The following MYO15B variants were observed in gnomAD, a reference collection of about 807,000 sequenced individuals.
MYO15B encodes myosin XVB.
MYO15B carries 207 observed loss-of-function variants against 119.3 expected under a neutral mutation model. The ratio of observed to expected loss-of-function variants is 1.73; its 90% confidence interval spans 1.55 to 1.95. The LOEUF is 1.95. Ranked by LOEUF, MYO15B falls within the 30% of genes most tolerant of loss-of-function variation. The pLI, the probability that MYO15B is intolerant of heterozygous loss-of-function variation, is 0.00. For missense variants in MYO15B, 2,264 were observed against 1,203.1 expected (o/e 1.88, Z -13.04); for synonymous variants, 966 against 498.9 (o/e 1.94, Z -12.48).
chr17:75,605,001 G>A lies in MYO15B; in HGVS notation c.4017-503G>A, dbSNP rs529948536. 5.9e-5 allele frequency among the ~76,000 whole-genome samples: 9 copies of A among 152,188 alleles called. No homozygotes were observed. In the East Asian group the frequency reaches 1.7e-3, roughly 29 times the overall value. ...AAAAATACAAAATCAGCTGGGCGTG[G>A]TGTTGCATGCCAGTAATCCCAGCTA... On this transcript the variant is annotated intron_variant, in intron 19 of 63. Transcript: ENST00000645453.
At chr17:75,594,969 T>C in exon 12 of MYO15B, 1 of 703,006 alleles carries the variant, frequency 1.4e-6, no homozygotes. Context: ...CCTACGGCTT[T>C]GAGGTCACCC....
intron 19 of MYO15B, among the ~76,000 whole-genome samples, chr17:75,604,691 T>C (rs1030365106): frequency 6.6e-6 from 1 of 151,322 alleles, no homozygotes; most frequent in Non-Finnish European, 1.5e-5. Context: ...TCACCTGTTC[T>C]CCCCCTGAGC....
chr17:75,595,500 A>G (rs2056799003), intron 12 of MYO15B, among the ~76,000 whole-genome samples: 1 of 152,152 alleles, frequency 6.6e-6, no homozygotes, highest in Non-Finnish European at 1.5e-5. Context: ...GGGCAAGTGG[A>G]TGAACCTTTC....
rs1019648626 is a variant in MYO15B, at chr17:75,621,232, A to G, written c.7871+56A>G. On this transcript the variant is annotated intron_variant, in intron 50 of 63. Transcript: ENST00000645453. ...TCTGTCCTCAGTCTTCCTGAGAGAG[A>G]GCACCCTGCTCAGAGCCACTGGGCT... is the stretch of plus-strand genomic sequence containing the variant. 4.5e-6 allele frequency: 3 copies of G among 661,290 alleles called. No individual in the cohort carries two copies. In the Admixed American group the frequency reaches 6.3e-5, roughly 14 times the overall value. The allele number at this position is 661,290 out of a possible 1,614,324, so 41.0% of individuals were successfully genotyped here.
At chr17:75,611,552 T>C in intron 23 of MYO15B, 49 bp from the exon 24 acceptor site, 1 of 700,370 alleles carries the variant, frequency 1.4e-6, no homozygotes, top group Non-Finnish European at 2.6e-6. Flanking sequence ...GGGACACTGG[T>C]CCCTAGGCCC....
chr17:75,596,794 C>CT lies in MYO15B; in HGVS notation c.3421dup (p.Trp1141LeufsTer51), dbSNP rs1449842401. The CT allele has an allele frequency of 2.8e-6, 2 of 701,762 alleles. No homozygotes were observed. The highest frequency in any genetic ancestry group is 1.5e-5 in the South Asian group (1 of 67,544). 43.5% of individuals were successfully genotyped at this position (701,762 alleles called of 1,614,324 possible). A position where few individuals can be genotyped will look rare whatever the true frequency, so the allele number is the denominator to read the frequency against. ...AGGAGTGTCGGCGGGAGTTGCTGTC[C>CT]TGGGTGCCTGTCCCTCAGCCTCCGA... On this transcript the variant is annotated frameshift_variant, in exon 14 of 64. Transcript: ENST00000645453. LOFTEE classifies it high-confidence loss of function.
rs116813371 is a variant in MYO15B at position 75,592,531 on chromosome 17, A to T, written c.2819A>T (p.Tyr940Phe). Reference sequence around the variant, plus strand: ...CTGCAGGGACCGGAGACTTACTACTACCTCAACCAGGTCGGGGGAGCCCTT... The same window carrying T: ...CTGCAGGGACCGGAGACTTACTACTTCCTCAACCAGGTCGGGGGAGCCCTT... Residue 940 changes from tyrosine to phenylalanine, a missense_variant, in exon 8 of 64, where the codon TAC becomes TTC. Tyr to Phe is a conservative substitution (Grantham distance 22). Coordinates refer to ENST00000645453, the Ensembl canonical transcript of MYO15B. 741 of 607,474 alleles carry T rather than the reference A, an allele frequency of 1.2e-3. 7 individuals carry two copies. The highest frequency in any genetic ancestry group is 0.012 in the African/African-American group (650 of 54,222). The allele number at this position is 607,474 out of a possible 1,614,324, so 37.6% of individuals were successfully genotyped here.
chr17:75,601,613 C>A (rs961521029), intron 15 of MYO15B, 50 bp downstream of exon 15: 1 of 687,872 alleles, frequency 1.5e-6, no homozygotes, highest in Non-Finnish European at 2.7e-6. Flanking sequence ...GGCAGTGTCC[C>A]CTCCCAAGCT....
At chr17:75,600,040 T>G (rs906570407) in intron 14 of MYO15B, among the ~76,000 whole-genome samples, 2 of 149,608 alleles carry the variant, frequency 1.3e-5, no homozygotes, top group African/African-American at 4.9e-5. Context: ...TTTTTTTTTT[T>G]TGAGACAGAG....
intron 15 of MYO15B, among the ~76,000 whole-genome samples, chr17:75,602,008 C>G (rs887060847): frequency 6.6e-6 from 1 of 152,020 alleles, no homozygotes; most frequent in Non-Finnish European, 1.5e-5. Flanking sequence ...CTATGCCTAC[C>G]AAGAAGCTGC....
rs2056246973 is a variant in MYO15B, at chr17:75,589,131, C to G, written c.1074C>G (p.Pro358=). Residue 358 remains proline, a synonymous_variant, in exon 1 of 64, where the codon CCC becomes CCG. Coordinates refer to ENST00000645453, the Ensembl canonical transcript of MYO15B. The surrounding 1 kb of genome is among the most constrained non-coding windows in gnomAD (Gnocchi z 4.2). ...GCGCCGCTTCCCAGGCCGTGGGCCC[C>G]CGCCGCGCTGGCCTCAAGGAGCGGC... The G allele has an allele frequency of 2.6e-6, 1 of 391,440 alleles. No individual in the cohort carries two copies. The highest frequency in any genetic ancestry group is 4.5e-6 in the Non-Finnish European group (1 of 221,394). 24.2% of individuals were successfully genotyped at this position (391,440 alleles called of 1,614,324 possible). A position where few individuals can be genotyped will look rare whatever the true frequency, so the allele number is the denominator to read the frequency against.
At position 75,613,680 on chromosome 17, in the gene MYO15B, GC is replaced by G. The variant is rs377680784; in HGVS notation, c.5147-20del. 1.0e-5 allele frequency: 7 copies of G among 700,446 alleles called. No homozygotes were observed. The African/African-American group carries it at 1.0e-4, about 10-fold the overall frequency. The allele number at this position is 700,446 out of a possible 1,614,324, so 43.4% of individuals were successfully genotyped here. On this transcript the variant is annotated intron_variant, in intron 28 of 63. Coordinates refer to ENST00000645453, the Ensembl canonical transcript of MYO15B. ...GTGGACTCTGCTGTCCCTCACTCTT[GC>G]CCCCGCCCCCCATGCCCCTGCAGAG...
At chr17:75,624,293 T>C (rs752162102) in intron 56 of MYO15B, 24 bp downstream of exon 56, 2 of 702,814 alleles carry the variant, frequency 2.8e-6, no homozygotes, top group Non-Finnish European at 5.2e-6. Flanking sequence ...CGGATGGGCA[T>C]TGTGGGACAC....
At chr17:75,625,951 C>T in exon 62 of MYO15B, 1 of 702,560 alleles carries the variant, frequency 1.4e-6, no homozygotes. Context: ...CCGCCAGCAT[C>T]TCATCCTCAT....
intron 23 of MYO15B, 86 bp downstream of exon 23, chr17:75,611,045 C>G: frequency 1.4e-6 from 1 of 700,088 alleles, no homozygotes; most frequent in Non-Finnish European, 2.6e-6. Flanking sequence ...CAGGGTGCTA[C>G]CGTGGGTCTT....
intron 42 of MYO15B, 84 bp downstream of exon 42, chr17:75,618,006 C>T (rs1429863278): frequency 2.9e-6 from 2 of 690,810 alleles, no homozygotes; most frequent in African/African-American, 1.8e-5. Flanking sequence ...CCTGGGACCC[C>T]AGCATCCCCT....
chr17:75,619,669 A>ACC lies in MYO15B; in HGVS notation c.7183-11_7183-10dup. Reference sequence around the variant, plus strand: ...CCCAGGAGACTGCCCGAGACCCACCACCTTCCTGTAGGGCGAGAGTGGCAG... The same window carrying ACC: ...CCCAGGAGACTGCCCGAGACCCACCACCCCTTCCTGTAGGGCGAGAGTGGCAG... On this transcript the variant is annotated splice_polypyrimidine_tract_variant and intron_variant, in intron 45 of 63. Transcript: ENST00000645453. 1 of 702,664 alleles carries ACC rather than the reference A, an allele frequency of 1.4e-6. No homozygotes were observed. The highest frequency in any genetic ancestry group is 2.6e-6 in the Non-Finnish European group (1 of 384,898). 43.5% of individuals were successfully genotyped at this position (702,664 alleles called of 1,614,324 possible).
chr17:75,607,710 C>T (rs1598816598), intron 21 of MYO15B, among the ~76,000 whole-genome samples: 1 of 152,142 alleles, frequency 6.6e-6, no homozygotes, highest in African/African-American at 2.4e-5. Flanking sequence ...ATCCACCCGC[C>T]TCAGCCTCTC....
exon 32 of MYO15B, chr17:75,614,813 C>T (rs1464975966): frequency 5.7e-6 from 4 of 702,840 alleles, no homozygotes; most frequent in Admixed American, 4.0e-5. Flanking sequence ...GCTTCCTGGA[C>T]CAGATCTTCC....
Sources: gnomAD v4.1 joint callset for allele counts (sites outside exome capture counted in the v4.1 genomes callset) on GRCh38, gnomAD v4.1.1 for gene constraint, Gnocchi (gnomAD v3.1) non-coding constraint, MANE v1.5 for transcripts, NCBI Gene and HGNC (gene_info 2026-07-23, HGNC 2026-07-21) for gene names.